Variants in CNKSR2 observed in about 807,000 individuals in gnomAD.
CNKSR2 encodes the protein CNK homolog protein 2.
CNKSR2 carries 14 observed loss-of-function variants against 84.4 expected under a neutral mutation model. The ratio of observed to expected loss-of-function variants is 0.17; its 90% confidence interval spans 0.11 to 0.26. The LOEUF is 0.26. Among genes scored for constraint, CNKSR2 ranks in the 10% least tolerant of loss-of-function variants. CNKSR2 has a pLI of 1.00. For missense variants in CNKSR2, 485 were observed against 771.2 expected (o/e 0.63, Z 4.40); for synonymous variants, 275 against 277.9 (o/e 0.99, Z 0.10).
chrX:21,644,163 A>G (rs1214956951), intron 20 of CNKSR2: 1 of 111,924 alleles, frequency 8.9e-6, no homozygotes, highest in African/African-American at 3.2e-5. Flanking sequence ...CAGCTGTACA[A>G]GAATGAATGT....
intron 1 of CNKSR2, among the ~76,000 whole-genome samples, chrX:21,415,871 CATAT>C (rs1208187718): frequency 6.0e-4 from 33 of 54,669 alleles, no homozygotes; most frequent in Admixed American, 5.4e-4. Flanking sequence ...CACACACACA[CATAT>C]ATATATATAT....
intron 8 of CNKSR2, among the ~76,000 whole-genome samples, chrX:21,508,552 A>G (rs1305786303): frequency 8.9e-6 from 1 of 112,137 alleles, no homozygotes; most frequent in Non-Finnish European, 1.9e-5. Flanking sequence ...TGAAATAAAA[A>G]CAAAATTGGC....
chrX:21,394,976 A>G (rs758896788), intron 1 of CNKSR2, among the ~76,000 whole-genome samples: 3 of 111,750 alleles, frequency 2.7e-5, no homozygotes, highest in South Asian at 3.7e-4. Context: ...TGGCAAAACA[A>G]TGCCTTCTCA....
intron 11 of CNKSR2, among the ~76,000 whole-genome samples, chrX:21,560,733 A>C (rs1418601045): frequency 9.0e-6 from 1 of 111,444 alleles, no homozygotes; most frequent in Non-Finnish European, 1.9e-5. Context: ...AATATACTGC[A>C]GCCTCACCAA....
intron 9 of CNKSR2, 63 bp downstream of exon 9, chrX:21,516,694 T>A (rs2091730935): frequency 3.0e-6 from 3 of 1,012,652 alleles, no homozygotes; most frequent in East Asian, 3.1e-5. Flanking sequence ...TCAGTAATGC[T>A]TCTTTATTGT....
At chrX:21,543,130 G>T (rs182095512) in intron 11 of CNKSR2, among the ~76,000 whole-genome samples, 29 of 112,522 alleles carry the variant, frequency 2.6e-4, no homozygotes, top group Non-Finnish European at 4.7e-4. Flanking sequence ...AGTTAGGATA[G>T]CGTCTGTAGG....
intron 11 of CNKSR2, among the ~76,000 whole-genome samples, chrX:21,534,129 C>G (rs1239387373): frequency 2.7e-5 from 3 of 110,253 alleles, no homozygotes; most frequent in Non-Finnish European, 5.7e-5. Context: ...AACCACAGTT[C>G]TACTCTCTAT....
At chrX:21,597,703 T>G (rs971226136) in intron 17 of CNKSR2, among the ~76,000 whole-genome samples, 1 of 110,494 alleles carries the variant, frequency 9.1e-6, no homozygotes, top group African/African-American at 3.3e-5. Flanking sequence ...GTCACCTGAC[T>G]GTTACATAAC....
intron 11 of CNKSR2, among the ~76,000 whole-genome samples, chrX:21,543,104 A>T (rs2091990529): frequency 8.9e-6 from 1 of 112,599 alleles, no homozygotes. Flanking sequence ...TCATAAACTG[A>T]GTTTTATCAA....
intron 1 of CNKSR2, among the ~76,000 whole-genome samples, chrX:21,375,354 G>T (rs1050762780): frequency 1.8e-5 from 2 of 112,381 alleles, no homozygotes; most frequent in African/African-American, 6.5e-5. Context: ...CCCTTTCCTG[G>T]CCCCTTTGTT....
intron 13 of CNKSR2, among the ~76,000 whole-genome samples, chrX:21,584,365 A>T (rs895551586): frequency 5.3e-5 from 6 of 112,603 alleles, no homozygotes; most frequent in African/African-American, 1.9e-4. Context: ...GTATTTATTG[A>T]GTGCCTACTG....
At position 21,609,477 on chromosome X, in the gene CNKSR2, G is replaced by A; in HGVS notation, c.2552G>A (p.Ser851Asn). Residue 851 changes from serine to asparagine, a missense_variant, in exon 20 of 22, where the codon AGC becomes AAC. By Grantham distance (46) the Ser-to-Asn change is conservative. Transcript: ENST00000379510. ...KPRSFTLPRD[S>N]GFNHCCLNAP... is the part of the protein sequence containing the mutation. ...CGAAGTTTTACTCTGCCTCGAGATAGCGGGTTCAACCATTGCTGTCTGAAT... is the reference window on the plus strand; with the variant it reads ...CGAAGTTTTACTCTGCCTCGAGATAACGGGTTCAACCATTGCTGTCTGAAT... 1 of 1,211,455 alleles carries A rather than the reference G, an allele frequency of 8.3e-7. No individual in the cohort carries two copies. The highest frequency in any genetic ancestry group is 1.1e-6 in the Non-Finnish European group (1 of 895,467).
At chrX:21,641,222 T>C (rs1283195700) in intron 20 of CNKSR2, among the ~76,000 whole-genome samples, 2 of 112,255 alleles carry the variant, frequency 1.8e-5, no homozygotes, top group Non-Finnish European at 3.8e-5. Context: ...ATTAAAATTA[T>C]AGATGTACAT....
intron 11 of CNKSR2, among the ~76,000 whole-genome samples, chrX:21,537,168 C>A (rs1020111970): frequency 9.0e-6 from 1 of 110,950 alleles, no homozygotes; most frequent in Non-Finnish European, 1.9e-5. Context: ...TCCATATAAT[C>A]GTACAGTTTT....
chrX:21,581,729 A>G (rs1167641490), intron 13 of CNKSR2, among the ~76,000 whole-genome samples: 2 of 112,249 alleles, frequency 1.8e-5, no homozygotes, highest in Non-Finnish European at 3.8e-5. Context: ...TAACTATTCA[A>G]TTCATGCCTT....
intron 1 of CNKSR2, among the ~76,000 whole-genome samples, chrX:21,378,103 T>C (rs187975736): frequency 8.9e-6 from 1 of 112,008 alleles, no homozygotes; most frequent in African/African-American, 3.2e-5. Context: ...ACAGTGTCAA[T>C]GTTATTTCCA....
At chrX:21,620,783 A>T (rs1379601910) in intron 20 of CNKSR2, among the ~76,000 whole-genome samples, 1 of 111,264 alleles carries the variant, frequency 9.0e-6, no homozygotes, top group Non-Finnish European at 1.9e-5. Flanking sequence ...AACATAGTAG[A>T]TAAAGGGCAC....
At chrX:21,433,799 A>G (rs1407512686) in intron 3 of CNKSR2, among the ~76,000 whole-genome samples, 1 of 109,942 alleles carries the variant, frequency 9.1e-6, no homozygotes, top group African/African-American at 3.3e-5. Context: ...TTAATTTTAT[A>G]TTGTCTAATT....
At chrX:21,549,261 G>A (rs1395095917) in intron 11 of CNKSR2, among the ~76,000 whole-genome samples, 4 of 111,720 alleles carry the variant, frequency 3.6e-5, no homozygotes, top group East Asian at 5.6e-4. Flanking sequence ...AATCGCAAGC[G>A]TTCCTATACA....
Sources: allele counts gnomAD v4.1 joint callset (sites outside exome capture counted in the v4.1 genomes callset), GRCh38; gene constraint gnomAD v4.1.1; transcripts MANE v1.5; gene names NCBI Gene and HGNC (gene_info 2026-07-23, HGNC 2026-07-21).